HECW2: variants seen among roughly 807,000 people sequenced by gnomAD.
The protein encoded by HECW2 is E3 ubiquitin-protein ligase HECW2.
Under a neutral mutation model 175.2 loss-of-function variants are expected in HECW2, and 61 were observed. That is an observed-to-expected ratio of 0.35 (90% CI 0.28 to 0.43). The LOEUF (loss-of-function observed/expected upper bound fraction) is 0.43, where lower values mean the gene tolerates loss of function less well. Ranked by LOEUF, HECW2 falls within the 20% of genes least tolerant of loss-of-function variation. HECW2 has a pLI of 1.00. For missense variants in HECW2, 1,524 were observed against 2,000.5 expected, an observed-to-expected ratio of 0.76 and a Z score of 4.54; for synonymous variants, 671 against 731.0, an observed-to-expected ratio of 0.92 and a Z score of 1.32.
intron 17 of HECW2, among the ~76,000 whole-genome samples, chr2:196,259,055 C>A (rs958320618): frequency 6.6e-6 from 1 of 152,186 alleles, no homozygotes; most frequent in Non-Finnish European, 1.5e-5. Context: ...CTCACTGCAA[C>A]CTCTGCCTCC....
At chr2:196,411,868 G>A (rs1209210867) in intron 2 of HECW2, among the ~76,000 whole-genome samples, 2 of 152,174 alleles carry the variant, frequency 1.3e-5, no homozygotes, top group Non-Finnish European at 2.9e-5. Flanking sequence ...AAAACTAGCT[G>A]GTGTAGTGGC....
intron 1 of HECW2, among the ~76,000 whole-genome samples, chr2:196,435,882 G>A (rs1415737798): frequency 6.6e-6 from 1 of 152,122 alleles, no homozygotes; most frequent in Non-Finnish European, 1.5e-5. Flanking sequence ...GTAAGTGCTT[G>A]GTCAAGTTTA....
intron 13 of HECW2, among the ~76,000 whole-genome samples, chr2:196,301,152 T>C (rs115048529): frequency 0.07 from 10,648 of 151,762 alleles, 430 homozygotes; most frequent in East Asian, 0.13. Flanking sequence ...TGTGTTTTAG[T>C]TTGCTGAGAA....
At chr2:196,250,398 G>A (rs1308378081) in intron 19 of HECW2, among the ~76,000 whole-genome samples, 1 of 152,178 alleles carries the variant, frequency 6.6e-6, no homozygotes, top group Admixed American at 6.5e-5. Context: ...AAGAAAAAGC[G>A]ACACATTAAC....
chr2:196,322,955 A>T (rs1351739302), intron 6 of HECW2, among the ~76,000 whole-genome samples: 1 of 152,246 alleles, frequency 6.6e-6, no homozygotes, highest in Admixed American at 6.5e-5. Context: ...TTGTATCTCA[A>T]TTCTTTGATA....
chr2:196,336,217 T>C (rs946855156), intron 3 of HECW2, among the ~76,000 whole-genome samples: 1 of 152,230 alleles, frequency 6.6e-6, no homozygotes, highest in African/African-American at 2.4e-5. Flanking sequence ...ATGACTTTCC[T>C]GAACACAAAC....
chr2:196,393,277 CA>C (rs1417020639), intron 2 of HECW2, among the ~76,000 whole-genome samples: 3 of 151,884 alleles, frequency 2.0e-5, no homozygotes, highest in Non-Finnish European at 4.4e-5. Flanking sequence ...AAAGCAATGG[CA>C]AAAAAAGCCA....
chr2:196,277,495 T>C (rs1380240116), intron 15 of HECW2, among the ~76,000 whole-genome samples: 2 of 152,152 alleles, frequency 1.3e-5, no homozygotes, highest in African/African-American at 4.8e-5. Context: ...GGAGAGGATG[T>C]GGAGAAATAG....
At chr2:196,544,453 AGC>A (rs1313267229) in intron 1 of HECW2, among the ~76,000 whole-genome samples, 1 of 152,208 alleles carries the variant, frequency 6.6e-6, no homozygotes, top group Non-Finnish European at 1.5e-5. Flanking sequence ...CCCCTTTCAC[AGC>A]GTACACCTGT....
intron 2 of HECW2, among the ~76,000 whole-genome samples, chr2:196,364,946 T>C (rs1402342287): frequency 6.6e-6 from 1 of 152,128 alleles, no homozygotes; most frequent in Non-Finnish European, 1.5e-5. Context: ...ATTTCAAGAA[T>C]TGATGTAAAG....
rs1212711004 is a variant in HECW2 at position 196,196,467 on chromosome 2, T to C, written c.*4810A>G. Reference sequence around the variant, plus strand: ...TAAGATGGAAGTAAAATGGCTAAGGTCCAGAGTGCTGTCCCTCACCTACTA... The same window carrying C: ...TAAGATGGAAGTAAAATGGCTAAGGCCCAGAGTGCTGTCCCTCACCTACTA... On this transcript the variant is annotated 3_prime_UTR_variant, in exon 29 of 29. Transcript: ENST00000644978. 1 of 152,136 alleles carries C rather than the reference T, an allele frequency of 6.6e-6. No individual in the cohort carries two copies. Among genetic ancestry groups the C allele is most frequent in the East Asian group, 1.9e-4 (1 of 5,188 alleles). 9.4% of individuals were successfully genotyped at this position (152,136 alleles called of 1,614,324 possible). A position where few individuals can be genotyped will look rare whatever the true frequency, so the allele number is the denominator to read the frequency against.
intron 28 of HECW2, among the ~76,000 whole-genome samples, chr2:196,206,347 A>G (rs1252161888): frequency 1.3e-5 from 2 of 152,234 alleles, no homozygotes; most frequent in Non-Finnish European, 2.9e-5. Flanking sequence ...GACTTAATAG[A>G]TCTCTTGGTG....
chr2:196,391,250 A>C (rs933198581), intron 2 of HECW2, among the ~76,000 whole-genome samples: 12 of 152,040 alleles, frequency 7.9e-5, no homozygotes, highest in Admixed American at 7.9e-4. Flanking sequence ...CCCTCTTCTT[A>C]CATCTTCAGG....
chr2:196,224,620 A>C (rs958895406), intron 23 of HECW2, among the ~76,000 whole-genome samples: 3 of 152,168 alleles, frequency 2.0e-5, no homozygotes, highest in Non-Finnish European at 2.9e-5. Flanking sequence ...GGTGGTGCAC[A>C]GTGTCAGAAG....
intron 22 of HECW2, 52 bp from the exon 23 acceptor site, chr2:196,225,922 T>C: frequency 9.1e-7 from 1 of 1,093,714 alleles, no homozygotes; most frequent in Non-Finnish European, 1.4e-6. Context: ...AGTTTCTAGG[T>C]GGTTCCATAT....
intron 1 of HECW2, among the ~76,000 whole-genome samples, chr2:196,589,938 G>A (rs1485058798): frequency 6.6e-6 from 1 of 152,216 alleles, no homozygotes; most frequent in East Asian, 1.9e-4. Flanking sequence ...TATTCACTAT[G>A]TGTGTAAATA....
At chr2:196,261,896 TA>T (rs1304822456) in intron 17 of HECW2, among the ~76,000 whole-genome samples, 1 of 152,246 alleles carries the variant, frequency 6.6e-6, no homozygotes, top group Non-Finnish European at 1.5e-5. Flanking sequence ...ATGTGACTCT[TA>T]CAAATTTTCA....
At chr2:196,575,057 G>C (rs1690513019) in intron 1 of HECW2, among the ~76,000 whole-genome samples, 1 of 138,426 alleles carries the variant, frequency 7.2e-6, no homozygotes, top group African/African-American at 2.9e-5. Flanking sequence ...CTCCAGCCTG[G>C]GTAACAGAGC....
At chr2:196,579,538 GATAAAA>G (rs1250955651) in intron 1 of HECW2, among the ~76,000 whole-genome samples, 2 of 152,058 alleles carry the variant, frequency 1.3e-5, no homozygotes, top group Non-Finnish European at 2.9e-5. Flanking sequence ...TATAATCAGA[GATAAAA>G]ATAGAATAAA....
Sources: allele counts gnomAD v4.1 joint callset (sites outside exome capture counted in the v4.1 genomes callset), GRCh38; gene constraint gnomAD v4.1.1; transcripts MANE v1.5; gene names NCBI Gene and HGNC (gene_info 2026-07-23, HGNC 2026-07-21).